The following BLTP3B variants were observed in gnomAD, a reference collection of about 807,000 sequenced individuals.
BLTP3B encodes the protein bridge-like lipid transfer protein family member 3B.
the BLTP3B span, chr12:100,084,406 ACAC>A: frequency 7.8e-7 from 1 of 1,289,476 alleles, no homozygotes; most frequent in Non-Finnish European, 1.1e-6. Flanking sequence ...ACACACACAC[ACAC>A]ACACACACAC....
chr12:100,083,042 T>C, the BLTP3B span: 1 of 1,613,654 alleles, frequency 6.2e-7, no homozygotes, highest in Non-Finnish European at 8.5e-7. Context: ...TCTGCAAGTC[T>C]AACCACAACA....
At chr12:100,111,376 C>G in the BLTP3B span, among the ~76,000 whole-genome samples, 4 of 148,822 alleles carry the variant, frequency 2.7e-5, no homozygotes. Context: ...TCATTTCAAC[C>G]ACGACCGCCT....
At chr12:100,046,740 G>A in the BLTP3B span, among the ~76,000 whole-genome samples, 1 of 151,900 alleles carries the variant, frequency 6.6e-6, no homozygotes, top group Non-Finnish European at 1.5e-5. Context: ...ATAATAAAAA[G>A]GAAGTGTCAC....
At chr12:100,077,193 T>C in the BLTP3B span, among the ~76,000 whole-genome samples, 1 of 152,228 alleles carries the variant, frequency 6.6e-6, no homozygotes, top group Admixed American at 6.5e-5. Flanking sequence ...GTATTTTTAC[T>C]GTATATTTTC....
At chr12:100,118,077 G>GA in the BLTP3B span, among the ~76,000 whole-genome samples, 977 of 149,790 alleles carry the variant, frequency 6.5e-3, 8 homozygotes, top group Non-Finnish European at 9.3e-3. Context: ...CTTGGTCCCA[G>GA]AAAAAAAAAT....
the BLTP3B span, among the ~76,000 whole-genome samples, chr12:100,107,327 T>G: frequency 1.1e-5 from 1 of 88,082 alleles, no homozygotes; most frequent in Non-Finnish European, 2.1e-5. Context: ...AGTAGAATAA[T>G]AAGTTATAAT....
the BLTP3B span, among the ~76,000 whole-genome samples, chr12:100,062,955 C>T: frequency 6.8e-6 from 1 of 148,048 alleles, no homozygotes; most frequent in Non-Finnish European, 1.5e-5. Flanking sequence ...GTGAGGCTGT[C>T]TCAAAAAAAA....
At chr12:100,076,226 A>G in the BLTP3B span, among the ~76,000 whole-genome samples, 1 of 152,036 alleles carries the variant, frequency 6.6e-6, no homozygotes, top group Non-Finnish European at 1.5e-5. Flanking sequence ...AAGTTCAACC[A>G]ATAAAGTTTT....
At chr12:100,070,039 A>T in the BLTP3B span, 27 of 1,373,014 alleles carry the variant, frequency 2.0e-5, no homozygotes, top group Non-Finnish European at 2.5e-5. Context: ...AATACAGTGG[A>T]GAAAAAACAA....
the BLTP3B span, among the ~76,000 whole-genome samples, chr12:100,127,141 G>A: frequency 6.6e-6 from 1 of 151,702 alleles, no homozygotes; most frequent in Non-Finnish European, 1.5e-5. Context: ...TATACTTCAC[G>A]AGCAAGCGTC....
At chr12:100,038,460 T>C in the BLTP3B span, among the ~76,000 whole-genome samples, 3 of 152,104 alleles carry the variant, frequency 2.0e-5, no homozygotes, top group South Asian at 2.1e-4. Flanking sequence ...CTCAGCCTCC[T>C]GAGTAGCTGG....
the BLTP3B span, among the ~76,000 whole-genome samples, chr12:100,115,340 A>G: frequency 6.6e-6 from 1 of 152,214 alleles, no homozygotes; most frequent in Non-Finnish European, 1.5e-5. Context: ...TGGAAAGCAG[A>G]GGTTGCAGTG....
At chr12:100,141,446 TACACACAC>T in the BLTP3B span, among the ~76,000 whole-genome samples, 1 of 150,884 alleles carries the variant, frequency 6.6e-6, no homozygotes, top group East Asian at 1.9e-4. Context: ...TATATATATG[TACACACAC>T]ACACACACGC....
chr12:100,104,553 A>G, the BLTP3B span, among the ~76,000 whole-genome samples: 1 of 151,756 alleles, frequency 6.6e-6, no homozygotes, highest in African/African-American at 2.4e-5. Flanking sequence ...TCCTTAAAAC[A>G]AATCTTAATA....
chr12:100,072,742 A>G, the BLTP3B span: 12 of 1,606,878 alleles, frequency 7.5e-6, no homozygotes, highest in East Asian at 4.5e-5. Flanking sequence ...TTTCTTGTGG[A>G]AGATATAGGG....
the BLTP3B span, among the ~76,000 whole-genome samples, chr12:100,115,919 G>A: frequency 3.9e-5 from 6 of 152,298 alleles, no homozygotes; most frequent in African/African-American, 1.4e-4. Flanking sequence ...GCTCACGCCT[G>A]TAATCCCAGC....
chr12:100,048,771 A>AGAGAGT, the BLTP3B span, among the ~76,000 whole-genome samples: 3 of 114,964 alleles, frequency 2.6e-5, no homozygotes, highest in Non-Finnish European at 5.4e-5. Flanking sequence ...AGTGAGAGTG[A>AGAGAGT]GTGTGTGTGT....
chr12:100,058,109 T>C, the BLTP3B span: 1 of 1,612,844 alleles, frequency 6.2e-7, no homozygotes, highest in Non-Finnish European at 8.5e-7. Flanking sequence ...AGAGTGAAGC[T>C]GCTTCTGGAA....
At chr12:100,090,110 G>A in the BLTP3B span, among the ~76,000 whole-genome samples, 2 of 152,176 alleles carry the variant, frequency 1.3e-5, no homozygotes, top group Admixed American at 6.5e-5. Context: ...GTCTTTATCA[G>A]CAGCGTGAAA....
Sources: gnomAD v4.1 joint callset for allele counts (sites outside exome capture counted in the v4.1 genomes callset) on GRCh38, gnomAD v4.1.1 for gene constraint, MANE v1.5 for transcripts, NCBI Gene and HGNC (gene_info 2026-07-23, HGNC 2026-07-21) for gene names.